Variants in RAI1 observed in about 807,000 individuals in gnomAD.
The protein encoded by RAI1 is retinoic acid-induced protein 1.
RAI1 carries 9 observed loss-of-function variants against 123.8 expected under a neutral mutation model. The ratio of observed to expected loss-of-function variants is 0.07; its 90% confidence interval spans 0.04 to 0.13. The LOEUF (loss-of-function observed/expected upper bound fraction) is 0.13. RAI1 is among the 10% of genes least tolerant of loss of function. RAI1 has a pLI of 1.00. For synonymous variants in RAI1, 1,231 were observed against 1,127.3 expected (o/e 1.09, Z -1.84); for missense variants, 2,256 against 2,545.8 (o/e 0.89, Z 2.45).
intron 2 of RAI1, among the ~76,000 whole-genome samples, chr17:17,786,240 T>C (rs972354023): frequency 9.2e-5 from 14 of 152,218 alleles, no homozygotes; most frequent in Admixed American, 3.9e-4. Context: ...TGGCCACCCC[T>C]GATCTCCCGC....
At position 17,795,428 on chromosome 17, in the gene RAI1, A is replaced by C; in HGVS notation, c.2480A>C (p.Gln827Pro). ...GVKEEAGGLL[Q>P]CPEVAKADRW... is the part of the protein sequence containing the mutation. ...AAGGAGGAGGCAGGTGGGCTGCTGC[A>C]GTGCCCCGAGGTGGCCAAGGCTGAC... Residue 827 changes from glutamine to proline, a missense_variant, in exon 3 of 6, where the codon CAG (glutamine) becomes CCG (proline). Physicochemically the swap from Gln to Pro is moderately conservative, Grantham distance 76. Coordinates refer to ENST00000353383, the MANE Select transcript of RAI1 (RefSeq NM_030665.4). The surrounding 1 kb of genome is among the most constrained non-coding windows in gnomAD (Gnocchi z 5.9). 2 of 1,589,936 alleles carry C rather than the reference A, an allele frequency of 1.3e-6. No homozygotes were observed. Among genetic ancestry groups the C allele is most frequent in the Non-Finnish European group, 1.7e-6 (2 of 1,166,322 alleles).
chr17:17,753,232 C>T (rs2030288632), intron 2 of RAI1, among the ~76,000 whole-genome samples: 1 of 152,198 alleles, frequency 6.6e-6, no homozygotes, highest in African/African-American at 2.4e-5. Flanking sequence ...CAGACACAGG[C>T]TGGAGGGGCC....
Position 17,794,512 on chromosome 17 carries a change from G to A in RAI1, c.1564G>A (p.Glu522Lys), listed in dbSNP as rs1267382743. The change falls in exon 3 of 6, where the codon GAG (glutamate) becomes AAG (lysine). Residue 522 changes from glutamate (E) to lysine (K), a missense_variant. This residue lies in a region of RAI1 where 357 missense variants were observed against 480.2 expected (regional missense o/e 0.74). Coordinates refer to ENST00000353383, the MANE Select transcript of RAI1 (RefSeq NM_030665.4). ...PQEADYLSGS[E>K]DPLERSFLYC... ...GGAGGCCGACTACCTGAGCGGCTCC[G>A]AGGACCCACTGGAGCGCAGCTTCCT... The A allele has an allele frequency of 6.2e-6, 10 of 1,612,434 alleles. No homozygotes were observed. The highest frequency in any genetic ancestry group is 4.5e-5 in the East Asian group (2 of 44,868).
chr17:17,745,862 G>C (rs959858152), intron 2 of RAI1, among the ~76,000 whole-genome samples: 2 of 152,236 alleles, frequency 1.3e-5, no homozygotes, highest in African/African-American at 4.8e-5. Flanking sequence ...AAGCCGTGAG[G>C]ATGTGGCCGG....
At chr17:17,775,198 G>A (rs2031293445) in intron 2 of RAI1, among the ~76,000 whole-genome samples, 1 of 134,458 alleles carries the variant, frequency 7.4e-6, no homozygotes, top group South Asian at 2.2e-4. Context: ...AAATTCATGT[G>A]TAATTTTTTT....
At chr17:17,684,704 A>ATATATATATATGTATG (rs1258508625) in intron 1 of RAI1, 2 of 119,542 alleles carry the variant, frequency 1.7e-5, no homozygotes, top group African/African-American at 3.9e-5. Flanking sequence ...ATATATATAT[A>ATATATATATATGTATG]TATGTATGTA....
chr17:17,757,607 G>A (rs1043967240), intron 2 of RAI1, among the ~76,000 whole-genome samples: 1 of 151,532 alleles, frequency 6.6e-6, no homozygotes. Context: ...CTTCTCGGAG[G>A]ATTTTTTTTT....
chr17:17,809,790 G>A lies in RAI1; in HGVS notation c.5710-180G>A, dbSNP rs1441769249. On this transcript the variant is annotated intron_variant, in intron 5 of 5. Transcript: ENST00000353383. The surrounding 1 kb of genome is among the most constrained non-coding windows in gnomAD (Gnocchi z 4.9). Reference sequence around the variant, plus strand: ...GCACGGAGCTGAAGGCGAAGGTGAAGGTGAAGCTGGACGGGGTGGGGCCAG... The same window carrying A: ...GCACGGAGCTGAAGGCGAAGGTGAAAGTGAAGCTGGACGGGGTGGGGCCAG... 9.2e-5 allele frequency among the ~76,000 whole-genome samples: 14 copies of A among 152,054 alleles called. No homozygotes were observed. Among genetic ancestry groups the A allele is most frequent in the Admixed American group, 9.2e-4 (14 of 15,286 alleles).
intron 1 of RAI1, among the ~76,000 whole-genome samples, chr17:17,694,196 C>T (rs1040620216): frequency 2.0e-5 from 3 of 152,086 alleles, no homozygotes; most frequent in Admixed American, 6.5e-5. Context: ...AGTCTTTGAC[C>T]GGGGAGGCAG....
Position 17,689,939 on chromosome 17 carries a change from C to T in RAI1, c.-149+8146C>T, listed in dbSNP as rs117143855. Among the ~76,000 whole-genome samples, 14 of 152,256 alleles carry T rather than the reference C, an allele frequency of 9.2e-5. No individual in the cohort carries two copies. In the East Asian group the frequency reaches 2.3e-3, roughly 25 times the overall value. On this transcript the variant is annotated intron_variant, in intron 1 of 5. Transcript: ENST00000353383. ...GCATCCAGAAAGGGGTGCCAAAGCC[C>T]CCCAACTCCTTGAATCAGACCCTTC...
rs957102016 is a variant in RAI1, at chr17:17,731,268, C to T, written c.-17+7109C>T. On this transcript the variant is annotated intron_variant, in intron 2 of 5. Transcript: ENST00000353383. ...AGGCTGTGTTTCATTCCCTTCAGTC[C>T]TTCCACAGTGTCTGCTGATGGCGCC... Among the ~76,000 whole-genome samples the T allele has an allele frequency of 1.6e-4, 24 of 152,372 alleles. 1 individual carries two copies. The highest frequency in any genetic ancestry group is 1.4e-3 in the South Asian group (7 of 4,830).
Position 17,681,773 on chromosome 17 carries a change from C to T in RAI1, c.-169C>T. On this transcript the variant is annotated 5_prime_UTR_variant, in exon 1 of 6. Transcript: ENST00000353383. ...GTCGCAGCGCCAGACCCAAGGCCCC[C>T]GAGTGAGCGCGGGCGCCGAGGTGAG... 1 of 327,422 alleles carries T rather than the reference C, an allele frequency of 3.1e-6. No individual in the cohort carries two copies. Among genetic ancestry groups the T allele is most frequent in the Non-Finnish European group, 5.6e-6 (1 of 179,468 alleles). The allele number at this position is 327,422 out of a possible 1,614,324, so 20.3% of individuals were successfully genotyped here.
intron 2 of RAI1, among the ~76,000 whole-genome samples, chr17:17,754,207 T>C (rs2142988087): frequency 7.1e-6 from 1 of 141,576 alleles, no homozygotes; most frequent in Middle Eastern, 3.5e-3. Flanking sequence ...TTTTTTTTTT[T>C]TTTTTTTTTT....
chr17:17,768,192 G>T (rs1004815047), intron 2 of RAI1, among the ~76,000 whole-genome samples: 1 of 152,192 alleles, frequency 6.6e-6, no homozygotes, highest in Non-Finnish European at 1.5e-5. Context: ...CTGTCAGGGG[G>T]TGGCACCTGG....
At chr17:17,785,440 CAG>C (rs1330914127) in intron 2 of RAI1, among the ~76,000 whole-genome samples, 2 of 152,056 alleles carry the variant, frequency 1.3e-5, no homozygotes, top group African/African-American at 2.4e-5. Flanking sequence ...TAGGGTCAAA[CAG>C]AGGAAGTCTC....
At chr17:17,683,194 G>A (rs1447878326) in intron 1 of RAI1, among the ~76,000 whole-genome samples, 1 of 152,234 alleles carries the variant, frequency 6.6e-6, no homozygotes, top group Non-Finnish European at 1.5e-5. Flanking sequence ...CGTCAGAGCA[G>A]GGGAATTACT....
At chr17:17,761,457 C>T (rs1473375463) in intron 2 of RAI1, among the ~76,000 whole-genome samples, 1 of 152,172 alleles carries the variant, frequency 6.6e-6, no homozygotes, top group South Asian at 2.1e-4. Context: ...GCAGCAGGCT[C>T]GCTGGGAGGC....
intron 2 of RAI1, among the ~76,000 whole-genome samples, chr17:17,740,681 G>T (rs967502228): frequency 6.6e-6 from 1 of 152,178 alleles, no homozygotes; most frequent in African/African-American, 2.4e-5. Flanking sequence ...CACCTCCCTG[G>T]ACTTCAGCTT....
At chr17:17,741,166 C>T (rs947573725) in intron 2 of RAI1, among the ~76,000 whole-genome samples, 6 of 152,164 alleles carry the variant, frequency 3.9e-5, no homozygotes, top group Non-Finnish European at 7.3e-5. Flanking sequence ...CACACGTACA[C>T]GCACGCCTTT....
Sources: gnomAD v4.1 joint callset for allele counts (sites outside exome capture counted in the v4.1 genomes callset) on GRCh38, gnomAD v4.1.1 for gene constraint, gnomAD v4.1.1 regional missense constraint, Gnocchi (gnomAD v3.1) non-coding constraint, MANE v1.5 for transcripts, NCBI Gene and HGNC (gene_info 2026-07-23, HGNC 2026-07-21) for gene names.